The following EVC variants were observed in gnomAD, a reference collection of about 807,000 sequenced individuals.
EVC encodes the protein EvC ciliary complex subunit 1.
Under a neutral mutation model 118.9 loss-of-function variants are expected in EVC, and 116 were observed. The ratio of observed to expected loss-of-function variants is 0.98; its 90% CI spans 0.84 to 1.14. EVC has a LOEUF of 1.14. Ranked by LOEUF, EVC falls within the 50% of genes most tolerant of loss-of-function variation. The pLI is 0.00. For missense variants in EVC, 1,401 were observed against 1,246.4 expected, an observed-to-expected ratio of 1.12 and a Z score of -1.87; for synonymous variants, 619 against 534.7, an observed-to-expected ratio of 1.16 and a Z score of -2.18.
chr4:5,737,781 G>A lies in EVC; in HGVS notation c.703-3935G>A, dbSNP rs1242666466. ...TCATTTTCAAAACCCCTGGTCACCC[G>A]AGAGCTCTGATGAAGATGTACAAGG... On this transcript the variant is annotated intron_variant, in intron 5 of 20. Transcript: ENST00000264956. The surrounding 1 kb of genome is among the most constrained non-coding windows in gnomAD (Gnocchi z 5.0). Among the ~76,000 whole-genome samples, 5 of 152,140 alleles carry A rather than the reference G, an allele frequency of 3.3e-5. No homozygotes were observed. The highest frequency in any genetic ancestry group is 7.2e-5 in the African/African-American group (3 of 41,430).
intron 11 of EVC, among the ~76,000 whole-genome samples, chr4:5,766,804 T>C (rs1210383112): frequency 1.4e-5 from 2 of 143,616 alleles, no homozygotes; most frequent in African/African-American, 5.2e-5. Flanking sequence ...TATACATTCA[T>C]CTAAATTTTT....
chr4:5,741,489 C>A (rs1223895253), intron 5 of EVC, among the ~76,000 whole-genome samples: 2 of 152,154 alleles, frequency 1.3e-5, no homozygotes, highest in African/African-American at 4.8e-5. Flanking sequence ...AGAAAGGAAG[C>A]TTTTTAAGGA....
chr4:5,714,024 C>T (rs571391174), intron 1 of EVC, among the ~76,000 whole-genome samples: 3 of 152,374 alleles, frequency 2.0e-5, no homozygotes, highest in African/African-American at 4.8e-5. Flanking sequence ...TCATCCTGCT[C>T]TCCAGCCACT....
chr4:5,745,113 TG>T, intron 6 of EVC, 90 bp from the exon 7 acceptor site: 1 of 1,318,524 alleles, frequency 7.6e-7, no homozygotes, highest in Admixed American at 2.1e-5. Context: ...TTGTGAAATT[TG>T]AAAAATAAAA....
chr4:5,809,597 A>C lies in EVC; in HGVS notation c.2768A>C (p.Lys923Thr), dbSNP rs748268896. Residue 923 changes from lysine (K) to threonine (T), a missense_variant, in exon 19 of 21, where the codon AAG becomes ACG. Lys to Thr is a moderately conservative substitution (Grantham distance 78). Coordinates refer to ENST00000264956, the MANE Select transcript of EVC (RefSeq NM_153717.3). ...PLAESKLLPAKRGLLEKPLRT... is the reference protein window; with the variant it reads ...PLAESKLLPATRGLLEKPLRT... The stretch of plus-strand genomic sequence containing the variant: ...GCTGAAAGCAAACTGTTGCCTGCTA[A>C]GCGTGGGCTGCTAGGTGAGTCACAG... 83 of 1,614,024 alleles carry C rather than the reference A, an allele frequency of 5.1e-5. 3 individuals carry two copies. In the South Asian group the frequency reaches 9.0e-4, roughly 18 times the overall value.
At chr4:5,779,407 A>T (rs1437344071) in intron 11 of EVC, among the ~76,000 whole-genome samples, 1 of 149,186 alleles carries the variant, frequency 6.7e-6, no homozygotes, top group African/African-American at 2.5e-5. Context: ...TGGGGATGGC[A>T]TTGAATCTAT....
chr4:5,818,959 T>C (rs995509746), downstream of EVC, among the ~76,000 whole-genome samples: 2 of 152,180 alleles, frequency 1.3e-5, no homozygotes, highest in East Asian at 1.9e-4. Context: ...TTGTTCAACA[T>C]TGATTTGGCA....
At chr4:5,790,195 AGAC>A (rs375298821) in intron 12 of EVC, among the ~76,000 whole-genome samples, 2 of 151,474 alleles carry the variant, frequency 1.3e-5, no homozygotes, top group African/African-American at 2.4e-5. Context: ...AAAAAAAAAA[AGAC>A]AACGATGACT....
At chr4:5,753,480 C>T (rs1730707189) in intron 9 of EVC, among the ~76,000 whole-genome samples, 1 of 152,086 alleles carries the variant, frequency 6.6e-6, no homozygotes, top group African/African-American at 2.4e-5. Context: ...TGAGGGTGGG[C>T]CATGGTCCAG....
chr4:5,730,497 AG>A (rs1354726420), intron 3 of EVC, among the ~76,000 whole-genome samples: 1 of 152,046 alleles, frequency 6.6e-6, no homozygotes, highest in Admixed American at 6.5e-5. Flanking sequence ...GGGTGGATGA[AG>A]GGCATTTCTC....
At chr4:5,792,127 GCACATTT>G (rs1203993554) in intron 12 of EVC, among the ~76,000 whole-genome samples, 12 of 152,160 alleles carry the variant, frequency 7.9e-5, no homozygotes, top group African/African-American at 2.9e-4. Flanking sequence ...TGGGAAGAAT[GCACATTT>G]CATAATATCT....
intron 12 of EVC, among the ~76,000 whole-genome samples, chr4:5,784,955 G>C (rs1295319490): frequency 6.6e-6 from 1 of 152,076 alleles, no homozygotes; most frequent in African/African-American, 2.4e-5. Context: ...AATTAAAGAA[G>C]GCATTTCCAA....
At chr4:5,804,957 C>T (rs1306320695) in intron 17 of EVC, 116 bp downstream of exon 17, 3 of 902,574 alleles carry the variant, frequency 3.3e-6, no homozygotes, top group South Asian at 1.4e-5. Context: ...GACTTGGGGG[C>T]CATCGGCCTT....
At chr4:5,820,938 G>A in the EVC span, 1 of 152,246 alleles carries the variant, frequency 6.6e-6, no homozygotes, top group Non-Finnish European at 1.5e-5. Flanking sequence ...CTGCCTCAGA[G>A]GGACCAGGAC....
At chr4:5,770,663 C>A (rs1311716671) in intron 11 of EVC, among the ~76,000 whole-genome samples, 1 of 152,168 alleles carries the variant, frequency 6.6e-6, no homozygotes, top group Non-Finnish European at 1.5e-5. Flanking sequence ...GCATAACCCA[C>A]TCTAGACAAT....
At chr4:5,824,767 G>C in the EVC span, 1 of 984,224 alleles carries the variant, frequency 1.0e-6, no homozygotes, top group Non-Finnish European at 1.2e-6. Context: ...ACCCAGCACG[G>C]TGTGCAACCC....
chr4:5,752,985 G>A lies in EVC; in HGVS notation c.1248G>A (p.Arg416=). ...LLAGEGKLSG[R]QKEELLTQQH... ...CTGGTGAGGGGAAGCTGTCCGGGCG[G>A]CAGAAGGAGGAGCTGCTCACGCAGC... Residue 416 remains arginine, a synonymous_variant, in exon 9 of 21, where the codon CGG becomes CGA. Coordinates refer to ENST00000264956, the MANE Select transcript of EVC (RefSeq NM_153717.3). 5.0e-6 allele frequency: 8 copies of A among 1,613,496 alleles called. No homozygotes were observed. The highest frequency in any genetic ancestry group is 6.8e-6 in the Non-Finnish European group (8 of 1,179,816).
intron 12 of EVC, 30 bp from the exon 13 acceptor site, chr4:5,793,578 G>A (rs772416222): frequency 1.3e-6 from 2 of 1,525,582 alleles, no homozygotes; most frequent in South Asian, 1.2e-5. Context: ...GTAACCACAT[G>A]CCTGCTCTGT....
chr4:5,817,892 C>T (rs1173287378), downstream of EVC, among the ~76,000 whole-genome samples: 7 of 152,236 alleles, frequency 4.6e-5, no homozygotes, highest in South Asian at 2.1e-4. Context: ...TTTGGCTTTA[C>T]GTAGATGAAG....
Sources: allele counts gnomAD v4.1 joint callset (sites outside exome capture counted in the v4.1 genomes callset), GRCh38; gene constraint gnomAD v4.1.1; non-coding constraint Gnocchi (gnomAD v3.1); transcripts MANE v1.5; gene names NCBI Gene and HGNC (gene_info 2026-07-23, HGNC 2026-07-21).